Variants in STXBP4 observed in about 807,000 individuals in gnomAD.
STXBP4 encodes syntaxin binding protein 4, also known as syntaxin-binding protein 4.
A neutral mutation model predicts 76.1 loss-of-function variants in STXBP4; 55 were observed. The ratio of observed to expected loss-of-function variants is 0.72; its 90% confidence interval spans 0.58 to 0.91. STXBP4 has a LOEUF of 0.91. Ranked by LOEUF, STXBP4 falls within the 40% of genes least tolerant of loss-of-function variation. STXBP4 has a pLI of 0.00. For missense variants in STXBP4, 618 were observed against 636.9 expected (o/e 0.97, Z 0.32); for synonymous variants, 201 against 220.2 (o/e 0.91, Z 0.77).
the STXBP4 span, among the ~76,000 whole-genome samples, chr17:55,185,189 T>TTTCTTCTTCTTCTTCTTCTTCTTC: frequency 4.9e-4 from 43 of 87,736 alleles, 1 homozygote; most frequent in East Asian, 1.5e-3. Flanking sequence ...TCTTCTTCTT[T>TTTCTTCTTCTTCTTCTTCTTCTTC]TTCTTCTTCT....
intron 9 of STXBP4, among the ~76,000 whole-genome samples, chr17:55,033,577 A>G (rs2078548344): frequency 6.6e-6 from 1 of 152,170 alleles, no homozygotes; most frequent in Admixed American, 6.5e-5. Context: ...GGATACATAG[A>G]TGAGTAAGTT....
At chr17:55,096,057 G>A (rs1444183946) in intron 16 of STXBP4, among the ~76,000 whole-genome samples, 3 of 152,136 alleles carry the variant, frequency 2.0e-5, no homozygotes, top group African/African-American at 7.2e-5. Flanking sequence ...TGAAGTCAGG[G>A]TACAGTCTTC....
the STXBP4 span, among the ~76,000 whole-genome samples, chr17:55,208,532 T>TGGAA: frequency 1.5e-5 from 2 of 132,146 alleles, no homozygotes; most frequent in African/African-American, 2.9e-5. Flanking sequence ...ACCCTGTTGG[T>TGGAA]GGAAGGAAGG....
At position 55,165,344 on chromosome 17, in the gene STXBP4, C is replaced by G. The variant is rs1450148433; in HGVS notation, c.*5433C>G. The G allele has an allele frequency of 1.3e-5, 2 of 152,162 alleles. No individual in the cohort carries two copies. Among genetic ancestry groups the G allele is most frequent in the Admixed American group, 6.5e-5 (1 of 15,282 alleles). 9.4% of individuals were successfully genotyped at this position (152,162 alleles called of 1,614,324 possible). A position where few individuals can be genotyped will look rare whatever the true frequency, so the allele number is the denominator to read the frequency against. ...TGGGCTTAACCTTCTGGACCAAGTT[C>G]CAGGGAGCAGCAAAACCTCAATTAC... On this transcript the variant is annotated 3_prime_UTR_variant, in exon 18 of 18. Transcript: ENST00000376352.
chr17:55,076,322 C>T (rs1362627405), intron 13 of STXBP4, among the ~76,000 whole-genome samples: 1 of 152,100 alleles, frequency 6.6e-6, no homozygotes, highest in East Asian at 1.9e-4. Flanking sequence ...CATCTCAGAC[C>T]TTCTCACTTG....
intron 16 of STXBP4, among the ~76,000 whole-genome samples, chr17:55,108,991 A>G (rs2145048331): frequency 6.6e-6 from 1 of 152,354 alleles, no homozygotes; most frequent in Non-Finnish European, 1.5e-5. Flanking sequence ...GAAAGTTGAC[A>G]AAAATACATC....
intron 3 of STXBP4, among the ~76,000 whole-genome samples, chr17:54,990,097 C>A (rs983600230): frequency 8.5e-5 from 13 of 152,060 alleles, no homozygotes; most frequent in African/African-American, 2.7e-4. Flanking sequence ...ATTGTAAATT[C>A]TTTTGTGTTT....
At chr17:55,128,772 T>C (rs2079940428) in intron 16 of STXBP4, among the ~76,000 whole-genome samples, 1 of 151,264 alleles carries the variant, frequency 6.6e-6, no homozygotes, top group South Asian at 2.1e-4. Context: ...CCTGCCATCA[T>C]GCCCGGCTAC....
chr17:55,208,016 A>T, the STXBP4 span, among the ~76,000 whole-genome samples: 1 of 151,288 alleles, frequency 6.6e-6, no homozygotes, highest in African/African-American at 2.4e-5. Context: ...AATAATAATA[A>T]AATATTGATA....
At chr17:55,072,178 T>C (rs2079128147) in intron 12 of STXBP4, among the ~76,000 whole-genome samples, 1 of 152,220 alleles carries the variant, frequency 6.6e-6, no homozygotes, top group Admixed American at 6.5e-5. Flanking sequence ...ATTCTGGCAC[T>C]GCTGTGTGTT....
At chr17:55,193,513 G>A in the STXBP4 span, among the ~76,000 whole-genome samples, 3 of 152,108 alleles carry the variant, frequency 2.0e-5, no homozygotes, top group South Asian at 2.1e-4. Context: ...GGAGAAGACC[G>A]CCACCCAAAA....
At chr17:54,970,048 A>G (rs977121068) in intron 1 of STXBP4, among the ~76,000 whole-genome samples, 2 of 152,216 alleles carry the variant, frequency 1.3e-5, no homozygotes, top group African/African-American at 2.4e-5. Context: ...TACCTACTCA[A>G]TAACAATTCC....
At chr17:55,022,995 A>G (rs918216114) in intron 8 of STXBP4, among the ~76,000 whole-genome samples, 26 of 152,190 alleles carry the variant, frequency 1.7e-4, no homozygotes, top group African/African-American at 5.8e-4. Context: ...TTGACTCTTC[A>G]TTGTGGAAAA....
chr17:55,175,548 A>G (rs1459306687), downstream of STXBP4, among the ~76,000 whole-genome samples: 6 of 152,246 alleles, frequency 3.9e-5, no homozygotes, highest in Non-Finnish European at 8.8e-5. Context: ...GATGGTCCAA[A>G]TGAAGGCGCT....
At chr17:55,043,365 AAAAAG>A in intron 11 of STXBP4, 40 bp downstream of exon 11, 2 of 1,170,452 alleles carry the variant, frequency 1.7e-6, no homozygotes, top group Admixed American at 3.0e-5. Context: ...TCTTCAGAAA[AAAAAG>A]AAAAAGAAAA....
rs148212139 is a variant in STXBP4, at chr17:55,073,004, A to G, written c.1116A>G (p.Glu372=). 66 of 1,613,924 alleles carry G rather than the reference A, an allele frequency of 4.1e-5. No individual in the cohort carries two copies. The highest frequency in any genetic ancestry group is 5.3e-5 in the Non-Finnish European group (62 of 1,179,930). Residue 372 remains glutamate (E), a synonymous_variant, in exon 13 of 18, where the codon GAA becomes GAG. Transcript: ENST00000376352. ...ATGGAATGGAAATGGACTATGAAGA[A>G]GTGATCCGTCTGTTAGAGGCCAAGA... The part of the protein sequence containing the change: ...QAHGMEMDYE[E]VIRLLEAKIT...
At chr17:55,082,508 C>T (rs2079268285) in intron 16 of STXBP4, among the ~76,000 whole-genome samples, 1 of 152,050 alleles carries the variant, frequency 6.6e-6, no homozygotes, top group Non-Finnish European at 1.5e-5. Flanking sequence ...CCATAAATAT[C>T]TAGTAGGACA....
intron 17 of STXBP4, among the ~76,000 whole-genome samples, chr17:55,152,738 C>A (rs550438092): frequency 5.2e-4 from 79 of 152,302 alleles, no homozygotes; most frequent in Non-Finnish European, 9.1e-4. Flanking sequence ...CTGGGGATTA[C>A]AGGTCCCTCC....
At chr17:54,976,560 C>T (rs902771543) in intron 1 of STXBP4, among the ~76,000 whole-genome samples, 1 of 152,118 alleles carries the variant, frequency 6.6e-6, no homozygotes, top group Admixed American at 6.5e-5. Flanking sequence ...CCAGGGGTAC[C>T]CAGTCCTTAG....
Sources: allele counts gnomAD v4.1 joint callset (sites outside exome capture counted in the v4.1 genomes callset), GRCh38; gene constraint gnomAD v4.1.1; transcripts MANE v1.5; gene names NCBI Gene and HGNC (gene_info 2026-07-23, HGNC 2026-07-21).